Variants in USH2A observed in about 807,000 individuals in gnomAD.
USH2A encodes usherin.
USH2A carries 443 observed loss-of-function variants against 538.9 expected under a neutral mutation model. That is an observed-to-expected ratio of 0.82 (90% CI 0.76 to 0.89). USH2A has a LOEUF of 0.89. USH2A is among the 40% of genes least tolerant of loss of function. The probability of loss-of-function intolerance (pLI) is 0.00; values close to 1 mark genes in which losing one functional copy is unlikely to be tolerated. For missense variants in USH2A, 6,633 were observed against 6,324.8 expected, an observed-to-expected ratio of 1.05 and a Z score of -1.65; for synonymous variants, 2,413 against 2,273.5, an observed-to-expected ratio of 1.06 and a Z score of -1.75.
chr1:215,931,599 G>T (rs1474371386), intron 38 of USH2A, among the ~76,000 whole-genome samples: 1 of 151,984 alleles, frequency 6.6e-6, no homozygotes, highest in Non-Finnish European at 1.5e-5. Context: ...TTCACAGCTG[G>T]CTAAAATACA....
intron 61 of USH2A, among the ~76,000 whole-genome samples, chr1:215,681,332 A>AACAC (rs10625816): frequency 0.04 from 5,922 of 148,132 alleles, 159 homozygotes; most frequent in African/African-American, 0.06. Flanking sequence ...CACACACACG[A>AACAC]ACACACACAC....
At chr1:216,280,924 A>G (rs2036762556) in intron 11 of USH2A, among the ~76,000 whole-genome samples, 2 of 152,194 alleles carry the variant, frequency 1.3e-5, no homozygotes, top group African/African-American at 4.8e-5. Context: ...TAATATTATT[A>G]AGGATTGAAA....
In USH2A at chr1:216,199,911, G is replaced by C. The variant is rs1428291441; in HGVS notation, c.3527C>G (p.Ser1176Cys). Residue 1176 changes from serine to cysteine, a missense_variant, in exon 17 of 72, where the codon TCT (serine) becomes TGT (cysteine). Transcript: ENST00000307340. ...TLTWTTLSNQ[S>C]GPIEKYILSC... is the part of the protein sequence containing the mutation. ...CAAAATATATTTCTCTATGGGACCA[G>C]ATTGATTTGAGAGTGTTGTCCAGGT... The C allele has an allele frequency of 6.2e-7, 1 of 1,614,140 alleles. No homozygotes were observed. The highest frequency in any genetic ancestry group is 8.5e-7 in the Non-Finnish European group (1 of 1,180,010).
intron 47 of USH2A, among the ~76,000 whole-genome samples, chr1:215,826,594 T>TA (rs113016758): frequency 0.02 from 3,087 of 152,272 alleles, 101 homozygotes; most frequent in African/African-American, 0.07. Context: ...ATGGACTTTT[T>TA]AATACTTGAT....
chr1:216,082,955 C>T (rs1029900639), intron 26 of USH2A, among the ~76,000 whole-genome samples: 1 of 151,836 alleles, frequency 6.6e-6, no homozygotes, highest in Non-Finnish European at 1.5e-5. Flanking sequence ...ATAACAAATA[C>T]AAAATTCTGA....
intron 15 of USH2A, among the ~76,000 whole-genome samples, chr1:216,208,422 G>T (rs556361820): frequency 4.6e-5 from 7 of 152,078 alleles, no homozygotes; most frequent in South Asian, 2.1e-4. Context: ...TAAATGTAAG[G>T]TACAGAAAAG....
At chr1:215,837,909 T>C in intron 47 of USH2A, 82 bp downstream of exon 47, 1 of 1,139,840 alleles carries the variant, frequency 8.8e-7, no homozygotes, top group Non-Finnish European at 1.3e-6. Context: ...GAGATTGTCA[T>C]GGCTGAGAGG....
intron 3 of USH2A, among the ~76,000 whole-genome samples, chr1:216,383,114 C>T (rs571591458): frequency 2.1e-4 from 32 of 152,048 alleles, no homozygotes; most frequent in Non-Finnish European, 3.4e-4. Flanking sequence ...CACACAAAAA[C>T]GGGTCACCCA....
chr1:215,916,263 T>C (rs187345347), intron 38 of USH2A, among the ~76,000 whole-genome samples: 185 of 152,112 alleles, frequency 1.2e-3, no homozygotes, highest in Non-Finnish European at 1.8e-3. Context: ...AAATAAATGA[T>C]ATTTCTCAAG....
At chr1:216,302,238 G>C (rs1399675797) in intron 9 of USH2A, among the ~76,000 whole-genome samples, 1 of 152,166 alleles carries the variant, frequency 6.6e-6, no homozygotes, top group East Asian at 1.9e-4. Flanking sequence ...TATATTTGGT[G>C]AATGTGTGAG....
chr1:216,321,914 C>T lies in USH2A; in HGVS notation c.1613G>A (p.Cys538Tyr), dbSNP rs1373771207. Residue 538 changes from cysteine (C) to tyrosine (Y), a missense_variant, in exon 9 of 72, where the codon TGC becomes TAC. Cys to Tyr is a radical substitution (Grantham distance 194). Transcript: ENST00000307340. Reference protein sequence around the residue: ...DTTSQPYRCLCSQESFTEGLH... With the variant: ...DTTSQPYRCLYSQESFTEGLH... The stretch of plus-strand genomic sequence containing the variant: ...TCCTTCAGTGAAGCTCTCCTGGGAG[C>T]AGAGGCATCTATATGGCTGGCTTGT... The T allele has an allele frequency of 6.2e-7, 1 of 1,613,824 alleles. No homozygotes were observed. The highest frequency in any genetic ancestry group is 1.7e-4 in the Middle Eastern group (1 of 6,058).
chr1:215,786,766 A>C lies in USH2A; in HGVS notation c.10291T>G (p.Ser3431Ala), dbSNP rs780865698. The change falls in exon 52 of 72, where the codon TCT (serine) becomes GCT (alanine). Residue 3431 changes from serine (S) to alanine (A), a missense_variant. By Grantham distance (99) the Ser-to-Ala change is moderately conservative. Transcript: ENST00000307340. ...GATGCCTTCCCTGTGGAATTGTGAG[A>C]CCCTCTTATCACAGTGCAAATGTGG... is the stretch of plus-strand genomic sequence containing the variant. Reference protein sequence around the residue: ...TSHICTVIRGSHNSTGKASIE... With the variant: ...TSHICTVIRGAHNSTGKASIE... 1.2e-6 allele frequency: 2 copies of C among 1,613,762 alleles called. No homozygotes were observed. The highest frequency in any genetic ancestry group is 1.7e-6 in the Non-Finnish European group (2 of 1,179,898).
chr1:216,299,230 T>C (rs1453488760), intron 9 of USH2A, among the ~76,000 whole-genome samples: 1 of 150,688 alleles, frequency 6.6e-6, no homozygotes, highest in East Asian at 1.9e-4. Flanking sequence ...ACAAATTAAA[T>C]GCCCAAAAGC....
chr1:215,949,246 A>G (rs1366754898), intron 37 of USH2A, among the ~76,000 whole-genome samples: 1 of 152,120 alleles, frequency 6.6e-6, no homozygotes, highest in Non-Finnish European at 1.5e-5. Context: ...AAAAAATGTG[A>G]GGTCCTTATG....
In USH2A at chr1:215,836,539, TATAATATATATATATATATA is replaced by T. The variant is rs1558120230; in HGVS notation, c.9371+1432_9371+1451del. 9.2e-3 allele frequency among the ~76,000 whole-genome samples: 238 copies of T among 25,978 alleles called. 23 individuals are homozygous for T. Among genetic ancestry groups the T allele is most frequent in the Admixed American group, 0.017 (16 of 958 alleles). 17.0% of individuals were successfully genotyped at this position (25,978 alleles called of 152,430 possible). A position where few individuals can be genotyped will look rare whatever the true frequency, so the allele number is the denominator to read the frequency against. On this transcript the variant is annotated intron_variant, in intron 47 of 71. Transcript: ENST00000307340. Reference sequence around the variant, plus strand: ...ATATAATATATATTATATATATATATATAATATATATATATATATATATATATTTTTTTTTGAGACAGAGT... The same window carrying T: ...ATATAATATATATTATATATATATATTATATATTTTTTTTTGAGACAGAGT...
rs1449740817 is a variant in USH2A, at chr1:215,845,864, G to A, written c.9015C>T (p.Ser3005=). 2 of 1,613,744 alleles carry A rather than the reference G, an allele frequency of 1.2e-6. No individual in the cohort carries two copies. The highest frequency in any genetic ancestry group is 1.3e-5 in the African/African-American group (1 of 74,896). The change falls in exon 45 of 72, where the codon AGC becomes AGT. Residue 3005 remains serine (S), a synonymous_variant. Transcript: ENST00000307340. ...TTGCATGAAGTCCTGCACTGTTGAT[G>A]CTGTGGACTCCATTGAAGACAGAGA... is the stretch of plus-strand genomic sequence containing the variant. ...IFISVFNGVH[S]INSAGLHATT...
chr1:215,904,703 G>A (rs1261699665), intron 38 of USH2A, among the ~76,000 whole-genome samples: 1 of 151,922 alleles, frequency 6.6e-6, no homozygotes, highest in Non-Finnish European at 1.5e-5. Context: ...AACACTCCAA[G>A]ACAACCTCCT....
intron 44 of USH2A, among the ~76,000 whole-genome samples, chr1:215,859,224 C>G (rs551448887): frequency 1.3e-5 from 2 of 152,122 alleles, no homozygotes; most frequent in Middle Eastern, 3.4e-3. Context: ...CTTTTTTCAA[C>G]CAAACAAGAA....
chr1:215,729,399 C>A (rs1659926447), intron 60 of USH2A, among the ~76,000 whole-genome samples: 1 of 152,172 alleles, frequency 6.6e-6, no homozygotes, highest in Non-Finnish European at 1.5e-5. Flanking sequence ...TATGGACAAT[C>A]TTTTCTTATA....
Sources: allele counts gnomAD v4.1 joint callset (sites outside exome capture counted in the v4.1 genomes callset), GRCh38; gene constraint gnomAD v4.1.1; transcripts MANE v1.5; gene names NCBI Gene and HGNC (gene_info 2026-07-23, HGNC 2026-07-21).